PDE8B: variants seen among roughly 807,000 people sequenced by gnomAD.
PDE8B encodes phosphodiesterase 8B.
A neutral mutation model predicts 101.3 loss-of-function variants in PDE8B; 26 were observed. The observed-to-expected ratio is 0.26, with a 90% confidence interval of 0.19 to 0.36. The LOEUF is 0.36. Among genes scored for constraint, PDE8B ranks in the 10% least tolerant of loss-of-function variants. The pLI, the probability that PDE8B is intolerant of heterozygous loss-of-function variation, is 1.00. For missense variants in PDE8B, 810 were observed against 1,163.1 expected (o/e 0.70, Z 4.42); for synonymous variants, 424 against 429.3 (o/e 0.99, Z 0.15).
chr5:77,136,048 A>G, the PDE8B span, among the ~76,000 whole-genome samples: 13 of 152,100 alleles, frequency 8.5e-5, no homozygotes, highest in Non-Finnish European at 1.8e-4. Context: ...TGTTTTCTAA[A>G]AGACTTCCTC....
chr5:77,319,421 C>T (rs1774533772), intron 2 of PDE8B, among the ~76,000 whole-genome samples: 1 of 152,098 alleles, frequency 6.6e-6, no homozygotes, highest in African/African-American at 2.4e-5. Context: ...AGTTGTGTTG[C>T]CTCCTATCTC....
chr5:77,397,716 A>G (rs1172368586), intron 10 of PDE8B, among the ~76,000 whole-genome samples: 1 of 152,222 alleles, frequency 6.6e-6, no homozygotes, highest in Non-Finnish European at 1.5e-5. Context: ...CCAAGAAAGC[A>G]TGGAAGTTTT....
At position 77,278,905 on chromosome 5, in the gene PDE8B, G is replaced by A. The variant is rs1050153603; in HGVS notation, c.340-33089G>A. On this transcript the variant is annotated intron_variant, in intron 1 of 21. Coordinates refer to ENST00000264917, the MANE Select transcript of PDE8B (RefSeq NM_003719.5). ...TGCTATTTCAAACTAGTTCATTCAG[G>A]GTATGAAATATACAATGGGGAAACT... Among the ~76,000 whole-genome samples, 5 of 151,900 alleles carry A rather than the reference G, an allele frequency of 3.3e-5. 1 individual carries two copies. The highest frequency in any genetic ancestry group is 1.3e-4 in the Admixed American group (2 of 15,254).
chr5:77,372,051 T>C (rs553007974), intron 10 of PDE8B, among the ~76,000 whole-genome samples: 11 of 152,176 alleles, frequency 7.2e-5, no homozygotes, highest in African/African-American at 2.6e-4. Context: ...AATACAAAAA[T>C]TAGCCAGGTA....
the PDE8B span, among the ~76,000 whole-genome samples, chr5:77,181,628 A>G: frequency 6.6e-6 from 1 of 152,224 alleles, no homozygotes; most frequent in South Asian, 2.1e-4. Flanking sequence ...GCTGGCGGCG[A>G]GGTGTGAGTT....
chr5:77,100,141 A>G, the PDE8B span: 1 of 152,246 alleles, frequency 6.6e-6, no homozygotes, highest in Non-Finnish European at 1.5e-5. Context: ...TCTATTCACC[A>G]TAAACTACTA....
At chr5:77,111,370 C>T in the PDE8B span, among the ~76,000 whole-genome samples, 1 of 152,218 alleles carries the variant, frequency 6.6e-6, no homozygotes, top group South Asian at 2.1e-4. Context: ...GGATGATTTT[C>T]TCTATACCAT....
At chr5:77,148,795 A>G in the PDE8B span, among the ~76,000 whole-genome samples, 2 of 152,068 alleles carry the variant, frequency 1.3e-5, no homozygotes, top group Non-Finnish European at 2.9e-5. Flanking sequence ...CAAGTCTAGG[A>G]TTTTTGAATA....
At chr5:77,319,993 T>A (rs1774673959) in intron 2 of PDE8B, among the ~76,000 whole-genome samples, 1 of 152,126 alleles carries the variant, frequency 6.6e-6, no homozygotes, top group African/African-American at 2.4e-5. Context: ...ATTAAATAAA[T>A]TTTAGCTTTA....
chr5:77,261,788 C>T (rs1446785227), intron 1 of PDE8B, among the ~76,000 whole-genome samples: 1 of 152,210 alleles, frequency 6.6e-6, no homozygotes, highest in Non-Finnish European at 1.5e-5. Flanking sequence ...CCAATGGTTG[C>T]CGGGCCTTAC....
intron 10 of PDE8B, among the ~76,000 whole-genome samples, chr5:77,355,390 G>A (rs150296401): frequency 3.0e-3 from 462 of 152,242 alleles, no homozygotes; most frequent in African/African-American, 9.0e-3. Context: ...CCTCTTCATC[G>A]AAGGAGGCTG....
At chr5:77,230,028 G>A (rs1168947252) in intron 1 of PDE8B, among the ~76,000 whole-genome samples, 1 of 152,144 alleles carries the variant, frequency 6.6e-6, no homozygotes, top group East Asian at 1.9e-4. Flanking sequence ...CTCCGAAGTG[G>A]CCGTACCAGT....
At chr5:77,219,356 T>A (rs1043961423) in intron 1 of PDE8B, among the ~76,000 whole-genome samples, 1 of 152,196 alleles carries the variant, frequency 6.6e-6, no homozygotes. Flanking sequence ...AGGGACCCAG[T>A]TGCCTGTGTG....
At chr5:77,192,118 C>T in the PDE8B span, among the ~76,000 whole-genome samples, 10 of 152,256 alleles carry the variant, frequency 6.6e-5, no homozygotes, top group East Asian at 1.9e-4. Flanking sequence ...CTTGGCCTAC[C>T]GCTCACCTCC....
chr5:77,337,292 A>T lies in PDE8B; in HGVS notation c.774A>T (p.Glu258Asp). Reference protein sequence around the residue: ...YNELIQIEHGEVRSQFKLRAC... With the variant: ...YNELIQIEHGDVRSQFKLRAC... ...AACTGATTCAAATAGAACATGGGGAAGTTCGCTCCCAGTTCAAATTACGGT... is the reference window on the plus strand; with the variant it reads ...AACTGATTCAAATAGAACATGGGGATGTTCGCTCCCAGTTCAAATTACGGT... Residue 258 changes from glutamate to aspartate, a missense_variant, in exon 6 of 22, where the codon GAA becomes GAT. By Grantham distance (45) the Glu-to-Asp change is conservative. This residue lies in a region of PDE8B where 251 missense variants were observed against 378.8 expected (regional missense o/e 0.66). Coordinates refer to ENST00000264917, the MANE Select transcript of PDE8B (RefSeq NM_003719.5). 6.3e-7 allele frequency: 1 copy of T among 1,583,228 alleles called. No homozygotes were observed.
chr5:77,310,831 G>A (rs1772432175), intron 1 of PDE8B, among the ~76,000 whole-genome samples: 1 of 152,106 alleles, frequency 6.6e-6, no homozygotes, highest in Admixed American at 6.6e-5. Context: ...GGAGAATCAG[G>A]CCTACAGAGG....
At chr5:77,256,469 C>T (rs1759195304) in intron 1 of PDE8B, among the ~76,000 whole-genome samples, 1 of 152,164 alleles carries the variant, frequency 6.6e-6, no homozygotes, top group Non-Finnish European at 1.5e-5. Flanking sequence ...TATTCTATAT[C>T]CATAGATTTG....
chr5:77,323,378 T>G (rs1158324451), intron 2 of PDE8B, among the ~76,000 whole-genome samples: 1 of 152,232 alleles, frequency 6.6e-6, no homozygotes, highest in Non-Finnish European at 1.5e-5. Context: ...GCATATATAA[T>G]ATATCCAGAT....
chr5:77,294,608 C>T (rs1206735062), intron 1 of PDE8B, among the ~76,000 whole-genome samples: 1 of 149,814 alleles, frequency 6.7e-6, no homozygotes. Context: ...CATTAGACAA[C>T]AGAAAAATAT....
Sources: allele counts gnomAD v4.1 joint callset (sites outside exome capture counted in the v4.1 genomes callset), GRCh38; gene constraint gnomAD v4.1.1; regional missense constraint gnomAD v4.1.1; transcripts MANE v1.5; gene names NCBI Gene and HGNC (gene_info 2026-07-23, HGNC 2026-07-21).